SLC51A: variants seen among roughly 807,000 people sequenced by gnomAD.
The protein encoded by SLC51A is solute carrier family 51 member A.
A neutral mutation model predicts 34.8 loss-of-function variants in SLC51A; 22 were observed. The ratio of observed to expected loss-of-function variants is 0.63; its 90% CI spans 0.45 to 0.90. The LOEUF (loss-of-function observed/expected upper bound fraction) is 0.90. Among genes scored for constraint, SLC51A ranks in the 40% least tolerant of loss-of-function variants. The probability of loss-of-function intolerance (pLI) is 0.00; values close to 1 mark genes in which losing one functional copy is unlikely to be tolerated. For synonymous variants in SLC51A, 181 were observed against 176.3 expected, an observed-to-expected ratio of 1.03 and a Z score of -0.21; for missense variants, 371 against 414.8, an observed-to-expected ratio of 0.89 and a Z score of 0.92.
chr3:196,219,947 A>C lies in SLC51A; in HGVS notation c.133+2011A>C, dbSNP rs1723702262. On this transcript the variant is annotated intron_variant, in intron 2 of 8. Transcript: ENST00000296327. ...CGGAAACCCCAAGGCTGTTCAGAAC[A>C]GGCCATTCTGAGTCTGCTAGTCCAG... Among the ~76,000 whole-genome samples the C allele has an allele frequency of 2.0e-5, 3 of 152,404 alleles. No homozygotes were observed. The South Asian group carries it at 6.2e-4, about 32-fold the overall frequency.
In SLC51A at chr3:196,229,948, A is replaced by T; in HGVS notation, c.667A>T (p.Thr223Ser). The change falls in exon 7 of 9, where the codon ACT becomes TCT. Residue 223 changes from threonine (T) to serine (S), a missense_variant. Physicochemically the swap from Thr to Ser is moderately conservative, Grantham distance 58. Coordinates refer to ENST00000296327, the MANE Select transcript of SLC51A (RefSeq NM_152672.6). The stretch of plus-strand genomic sequence containing the variant: ...GGGGAGCACAGCTCTATGGATCAAC[A>T]CTTTCCTTGGCGTGTCCACACTGCT... Reference protein sequence around the residue: ...SEGSTALWINTFLGVSTLLAL... With the variant: ...SEGSTALWINSFLGVSTLLAL... The T allele has an allele frequency of 6.2e-7, 1 of 1,613,086 alleles. No individual in the cohort carries two copies. Among genetic ancestry groups the T allele is most frequent in the Non-Finnish European group, 8.5e-7 (1 of 1,179,540 alleles).
chr3:196,220,921 A>T (rs71323710), intron 2 of SLC51A, among the ~76,000 whole-genome samples: 2 of 140,776 alleles, frequency 1.4e-5, no homozygotes, highest in African/African-American at 5.4e-5. Flanking sequence ...ACAGGGTCTC[A>T]CTGTGTCACT....
At chr3:196,229,496 G>T (rs1235382828) in intron 6 of SLC51A, among the ~76,000 whole-genome samples, 1 of 150,212 alleles carries the variant, frequency 6.7e-6, no homozygotes, top group African/African-American at 2.5e-5. Context: ...TCCTACCTCA[G>T]CCTCCTGAGT....
chr3:196,233,402 TAAAC>T lies in SLC51A; in HGVS notation c.*206_*209del, dbSNP rs1672752910. On this transcript the variant is annotated 3_prime_UTR_variant, in exon 9 of 9. Coordinates refer to ENST00000296327, the MANE Select transcript of SLC51A (RefSeq NM_152672.6). ...CTGGAAGGTGTTTTAAGTTTTGTAA[TAAAC>T]AAGATGATGTCTGAAAATGTGTAAC... The T allele has an allele frequency of 4.7e-5, 27 of 576,060 alleles. No homozygotes were observed. In the South Asian group the frequency reaches 5.6e-4, roughly 12 times the overall value. 35.7% of individuals were successfully genotyped at this position (576,060 alleles called of 1,614,324 possible).
intron 1 of SLC51A, 29 bp from the exon 2 acceptor site, chr3:196,217,813 G>A (rs756984073): frequency 4.4e-6 from 7 of 1,605,728 alleles, no homozygotes; most frequent in Non-Finnish European, 6.0e-6. Context: ...AGCCCCCATG[G>A]TTCTGAGCAC....
chr3:196,229,682 C>A (rs1723984488), intron 6 of SLC51A, among the ~76,000 whole-genome samples: 1 of 79,662 alleles, frequency 1.3e-5, no homozygotes, highest in Non-Finnish European at 2.8e-5. Context: ...TGGCCCATCT[C>A]TATTATTAAA....
In SLC51A at chr3:196,228,794, C is replaced by T; in HGVS notation, c.522-15C>T. ...GGTTTGTGGGCCCATGTTCCTAACC[C>T]TCTTCCCCACTCAGGAAGAAGCTTC... On this transcript the variant is annotated splice_polypyrimidine_tract_variant and intron_variant, in intron 5 of 8. Transcript: ENST00000296327. This position sits in a 1 kb window ranked among gnomAD's most constrained non-coding sequence, Gnocchi z 4.9. The T allele has an allele frequency of 6.2e-7, 1 of 1,606,586 alleles. No individual in the cohort carries two copies. Among genetic ancestry groups the T allele is most frequent in the East Asian group, 2.2e-5 (1 of 44,838 alleles).
chr3:196,224,421 C>G (rs116713046), intron 2 of SLC51A, among the ~76,000 whole-genome samples: 1,475 of 145,580 alleles, frequency 0.01, 33 homozygotes, highest in African/African-American at 0.035. Flanking sequence ...TCGGCTGGAC[C>G]CGGTGGCTCA....
chr3:196,225,293 G>A (rs1389834966), intron 2 of SLC51A, among the ~76,000 whole-genome samples: 1 of 152,044 alleles, frequency 6.6e-6, no homozygotes, highest in Non-Finnish European at 1.5e-5. Flanking sequence ...CGTATTTTTT[G>A]ACAAATTCAC....
At chr3:196,219,976 G>A (rs1723703039) in intron 2 of SLC51A, among the ~76,000 whole-genome samples, 1 of 152,260 alleles carries the variant, frequency 6.6e-6, no homozygotes, top group African/African-American at 2.4e-5. Context: ...AGTCCAGCAA[G>A]CCTCGCCGCA....
At position 196,216,999 on chromosome 3, in the gene SLC51A, A is replaced by G. The variant is rs1723600891; in HGVS notation, c.38+249A>G. On this transcript the variant is annotated intron_variant, in intron 1 of 8. Transcript: ENST00000296327. The surrounding 1 kb of genome is among the most constrained non-coding windows in gnomAD (Gnocchi z 4.5). ...TCGCAGAGCGGGGGCTGTGGAAGGC[A>G]TTCGCAGAGGAAATGGCAGCATCCC... is the stretch of plus-strand genomic sequence containing the variant. 6.6e-6 allele frequency among the ~76,000 whole-genome samples: 1 copy of G among 152,208 alleles called. No individual in the cohort carries two copies. Among genetic ancestry groups the G allele is most frequent in the African/African-American group, 2.4e-5 (1 of 41,462 alleles).
intron 3 of SLC51A, 44 bp downstream of exon 3, chr3:196,227,163 G>A (rs1392581022): frequency 3.1e-6 from 5 of 1,596,128 alleles, no homozygotes; most frequent in Non-Finnish European, 4.3e-6. Flanking sequence ...TGAAAAGAAG[G>A]CAGAGACCAA....
intron 2 of SLC51A, among the ~76,000 whole-genome samples, chr3:196,222,185 T>G (rs528673922): frequency 6.6e-6 from 1 of 152,364 alleles, no homozygotes; most frequent in South Asian, 2.1e-4. Context: ...TTTTCATTAT[T>G]TTAAAAAGTA....
intron 7 of SLC51A, among the ~76,000 whole-genome samples, chr3:196,230,364 CT>C (rs1387770497): frequency 6.6e-6 from 1 of 152,196 alleles, no homozygotes; most frequent in Non-Finnish European, 1.5e-5. Flanking sequence ...GCCCTGCTCC[CT>C]TTGAGCCCTG....
chr3:196,227,693 C>T lies in SLC51A; in HGVS notation c.318C>T (p.Leu106=), dbSNP rs1379332700. The change falls in exon 4 of 9, where the codon CTC becomes CTT. Residue 106 remains leucine (L), a synonymous_variant. Transcript: ENST00000296327. The part of the protein sequence containing the change: ...TVVSVLCCFG[L]WIPRSLVLVE... ...TGTCTGTGCTGTGCTGCTTTGGTCT[C>T]TGGATCCCTCGTTCCCTGGTGCTGG... is the stretch of plus-strand genomic sequence containing the variant. 6.2e-7 allele frequency: 1 copy of T among 1,613,904 alleles called. No homozygotes were observed. The highest frequency in any genetic ancestry group is 8.5e-7 in the Non-Finnish European group (1 of 1,179,980).
intron 2 of SLC51A, among the ~76,000 whole-genome samples, chr3:196,225,966 G>A (rs774958499): frequency 2.0e-5 from 3 of 152,150 alleles, no homozygotes; most frequent in Admixed American, 6.5e-5. Context: ...CCAAGCATGA[G>A]GCCAGCGTGC....
Position 196,227,120 on chromosome 3 carries a change from G to A in SLC51A, c.288+1G>A. The A allele has an allele frequency of 6.2e-7, 1 of 1,613,554 alleles. No individual in the cohort carries two copies. Among genetic ancestry groups the A allele is most frequent in the African/African-American group, 1.3e-5 (1 of 75,052 alleles). Reference sequence around the variant, plus strand: ...GCTCTGGAAGAGCTCGGCACCCACGGTGAGGCCCCCGGGGCTGCCCTGTGG... The same window carrying A: ...GCTCTGGAAGAGCTCGGCACCCACGATGAGGCCCCCGGGGCTGCCCTGTGG... On this transcript the variant is annotated splice_donor_variant, in intron 3 of 8. Transcript: ENST00000296327. LOFTEE classifies it high-confidence loss of function.
In SLC51A at chr3:196,229,977, T is replaced by C; in HGVS notation, c.696T>C (p.Ala232=). Residue 232 remains alanine, a synonymous_variant, in exon 7 of 9, where the codon GCT becomes GCC. Transcript: ENST00000296327. ...TCCTTGGCGTGTCCACACTGCTGGC[T>C]CTCTGGACCCTGGGCATCATTTCCC... The part of the protein sequence containing the change: ...NTFLGVSTLL[A]LWTLGIISRQ... The C allele has an allele frequency of 1.2e-6, 2 of 1,613,986 alleles. No homozygotes were observed. Among genetic ancestry groups the C allele is most frequent in the Non-Finnish European group, 1.7e-6 (2 of 1,179,908 alleles).
intron 8 of SLC51A, 188 bp downstream of exon 8, chr3:196,232,712 G>A: frequency 3.3e-6 from 2 of 603,506 alleles, no homozygotes; most frequent in East Asian, 5.6e-5. Context: ...GAAGAGAAGT[G>A]AAACCCCACA....
Sources: allele counts gnomAD v4.1 joint callset (sites outside exome capture counted in the v4.1 genomes callset), GRCh38; gene constraint gnomAD v4.1.1; non-coding constraint Gnocchi (gnomAD v3.1); transcripts MANE v1.5; gene names NCBI Gene and HGNC (gene_info 2026-07-23, HGNC 2026-07-21).